TAF4B: variants seen among roughly 807,000 people sequenced by gnomAD.
TAF4B encodes the protein TATA-box binding protein associated factor 4b, also known as transcription initiation factor TFIID subunit 4B.
Under a neutral mutation model 86.4 loss-of-function variants are expected in TAF4B, and 38 were observed. The ratio of observed to expected loss-of-function variants is 0.44; its 90% confidence interval spans 0.34 to 0.58. TAF4B has a LOEUF of 0.58. Ranked by LOEUF, TAF4B falls within the 20% of genes least tolerant of loss-of-function variation. The probability of loss-of-function intolerance (pLI) is 0.02; values close to 1 mark genes in which losing one functional copy is unlikely to be tolerated. For synonymous variants in TAF4B, 388 were observed against 391.2 expected, an observed-to-expected ratio of 0.99 and a Z score of 0.10; for missense variants, 988 against 1,027.6, an observed-to-expected ratio of 0.96 and a Z score of 0.53.
At chr18:26,265,384 A>C (rs1042436425) in intron 2 of TAF4B, 69 bp downstream of exon 2, 5 of 1,452,714 alleles carry the variant, frequency 3.4e-6, no homozygotes, top group Non-Finnish European at 4.6e-6. Context: ...AATGTTGTGT[A>C]TATGTTTGCT....
intron 14 of TAF4B, among the ~76,000 whole-genome samples, chr18:26,375,719 G>A (rs965134239): frequency 2.6e-5 from 4 of 152,074 alleles, no homozygotes; most frequent in Non-Finnish European, 5.9e-5. Context: ...CTAGAAATAA[G>A]TTCAATTTAT....
chr18:26,258,040 G>C (rs2056111186), intron 1 of TAF4B, among the ~76,000 whole-genome samples: 1 of 152,118 alleles, frequency 6.6e-6, no homozygotes, highest in Non-Finnish European at 1.5e-5. Flanking sequence ...CAGATCACGA[G>C]GTCAGGAGAC....
chr18:26,232,082 C>T (rs1029638378), intron 1 of TAF4B, among the ~76,000 whole-genome samples: 2 of 152,144 alleles, frequency 1.3e-5, no homozygotes, highest in African/African-American at 2.4e-5. Flanking sequence ...TTAGAATCTT[C>T]TTGCTAGCTA....
Position 26,261,225 on chromosome 18 carries a change from A to G in TAF4B, c.344-3945A>G, listed in dbSNP as rs769921110. On this transcript the variant is annotated intron_variant, in intron 1 of 14. Coordinates refer to ENST00000269142, the MANE Select transcript of TAF4B (RefSeq NM_005640.3). Reference sequence around the variant, plus strand: ...GAGACGGAGTCTCGCTCTGTCGCCCAGGCTGGAGTGCAGTGGCGGGATCTC... The same window carrying G: ...GAGACGGAGTCTCGCTCTGTCGCCCGGGCTGGAGTGCAGTGGCGGGATCTC... 3.0e-4 allele frequency among the ~76,000 whole-genome samples: 34 copies of G among 112,470 alleles called. 1 individual carries two copies. Among genetic ancestry groups the G allele is most frequent in the Non-Finnish European group, 5.0e-4 (30 of 59,660 alleles). The allele number at this position is 112,470 out of a possible 152,430, so 73.8% of individuals were successfully genotyped here.
Position 26,362,399 on chromosome 18 carries a change from A to G in TAF4B, c.2421+4605A>G, listed in dbSNP as rs1004367049. ...TTTATCAGTAGCATTAATGGCCCAT[A>G]GTGAATTTGCAATGTTAATCATTAA... On this transcript the variant is annotated intron_variant, in intron 14 of 14. Coordinates refer to ENST00000269142, the MANE Select transcript of TAF4B (RefSeq NM_005640.3). Among the ~76,000 whole-genome samples the G allele has an allele frequency of 4.1e-4, 63 of 152,356 alleles. 1 individual carries two copies. Among genetic ancestry groups the G allele is most frequent in the African/African-American group, 1.4e-3 (58 of 41,582 alleles).
rs182987237 is a variant in TAF4B at position 26,358,642 on chromosome 18, G to A, written c.2421+848G>A. 1.5e-3 allele frequency among the ~76,000 whole-genome samples: 225 copies of A among 152,296 alleles called. 2 individuals carry two copies. Among genetic ancestry groups the A allele is most frequent in the African/African-American group, 4.7e-3 (196 of 41,558 alleles). On this transcript the variant is annotated intron_variant, in intron 14 of 14. Transcript: ENST00000269142. ...GGAGAATGGCGTGAACCCGGAAGGC[G>A]GAGGTTACAGTTTGCCAAGATCGCG...
At chr18:26,333,573 T>C (rs78151580) in intron 12 of TAF4B, among the ~76,000 whole-genome samples, 10,499 of 152,152 alleles carry the variant, frequency 0.069, 449 homozygotes, top group Non-Finnish European at 0.092. Flanking sequence ...AAATTTTTAG[T>C]AGAAATGGGG....
chr18:26,381,704 G>A (rs139740099), intron 14 of TAF4B, among the ~76,000 whole-genome samples: 11,258 of 151,268 alleles, frequency 0.074, 1,274 homozygotes, highest in African/African-American at 0.25. Context: ...TCCAGCCTGG[G>A]CAATGAGCGA....
Position 26,293,421 on chromosome 18 carries a change from T to TA in TAF4B, c.1727-4dup. ...ATTCTATTTTTTCTTGTTTTGTTTT[T>TA]ATAGCTTCCATTCTAAAGCAAATTA... On this transcript the variant is annotated splice_region_variant and splice_polypyrimidine_tract_variant and intron_variant, in intron 8 of 14. Coordinates refer to ENST00000269142, the MANE Select transcript of TAF4B (RefSeq NM_005640.3). 1 of 1,584,666 alleles carries TA rather than the reference T, an allele frequency of 6.3e-7. No homozygotes were observed. Among genetic ancestry groups the TA allele is most frequent in the Non-Finnish European group, 8.6e-7 (1 of 1,167,616 alleles).
chr18:26,260,162 C>T (rs1568110727), intron 1 of TAF4B, among the ~76,000 whole-genome samples: 13 of 151,958 alleles, frequency 8.6e-5, no homozygotes, highest in Admixed American at 8.5e-4. Context: ...TTTGAGTTCT[C>T]TGTAGATTCT....
chr18:26,346,887 A>ATATGTGTGTGTG (rs1567914246), intron 13 of TAF4B, among the ~76,000 whole-genome samples: 1 of 12,900 alleles, frequency 7.8e-5, no homozygotes, highest in Non-Finnish European at 2.4e-4. Context: ...GTATATATAT[A>ATATGTGTGTGTG]TATATATATA....
chr18:26,332,865 C>G (rs939937334), intron 12 of TAF4B, among the ~76,000 whole-genome samples: 1 of 152,066 alleles, frequency 6.6e-6, no homozygotes, highest in Non-Finnish European at 1.5e-5. Flanking sequence ...AATTAAAGCC[C>G]CAATTCCTTA....
chr18:26,252,172 T>C (rs1039530966), intron 1 of TAF4B, among the ~76,000 whole-genome samples: 4 of 152,242 alleles, frequency 2.6e-5, no homozygotes, highest in African/African-American at 9.6e-5. Context: ...TTTTACATGT[T>C]GAAAGTAATT....
rs373024568 is a variant in TAF4B, at chr18:26,275,122, A to G, written c.882+69A>G. 138 of 1,419,118 alleles carry G rather than the reference A, an allele frequency of 9.7e-5. 2 individuals are homozygous for G. The Middle Eastern group carries it at 2.1e-3, about 22-fold the overall frequency. 87.9% of individuals were successfully genotyped at this position (1,419,118 alleles called of 1,614,324 possible). On this transcript the variant is annotated intron_variant, in intron 5 of 14. Coordinates refer to ENST00000269142, the MANE Select transcript of TAF4B (RefSeq NM_005640.3). ...ATAACATGTTGTAATTGGGAAATGCATATTTTTAAATGGGATTTATTTAAT... is the reference window on the plus strand; with the variant it reads ...ATAACATGTTGTAATTGGGAAATGCGTATTTTTAAATGGGATTTATTTAAT...
chr18:26,340,255 A>G (rs1312908933), intron 13 of TAF4B, among the ~76,000 whole-genome samples: 1 of 152,228 alleles, frequency 6.6e-6, no homozygotes, highest in Non-Finnish European at 1.5e-5. Flanking sequence ...AGGTACGAGA[A>G]CAGCACAGTA....
rs1195282079 is a variant in TAF4B, at chr18:26,391,341, C to T, written c.*1329C>T. On this transcript the variant is annotated 3_prime_UTR_variant, in exon 15 of 15. Transcript: ENST00000269142. ...GAAGGTATTTCAAAAATGGGAAATG[C>T]TATACTTATAAGAATTGAAGGAAAA... The T allele has an allele frequency of 6.7e-6, 1 of 148,404 alleles. No homozygotes were observed. Among genetic ancestry groups the T allele is most frequent in the Non-Finnish European group, 1.5e-5 (1 of 67,542 alleles). 9.2% of individuals were successfully genotyped at this position (148,404 alleles called of 1,614,324 possible).
At chr18:26,252,146 C>G (rs80026850) in intron 1 of TAF4B, among the ~76,000 whole-genome samples, 1 of 152,116 alleles carries the variant, frequency 6.6e-6, no homozygotes, top group African/African-American at 2.4e-5. Context: ...TTTCAACATA[C>G]GTTTTTCAAC....
chr18:26,227,505 T>C (rs1037033617), intron 1 of TAF4B, among the ~76,000 whole-genome samples: 3 of 152,232 alleles, frequency 2.0e-5, no homozygotes, highest in South Asian at 4.1e-4. Flanking sequence ...ATCAGCGTAT[T>C]CGGGGGGGCT....
chr18:26,291,274 T>C (rs2144609119), intron 7 of TAF4B, among the ~76,000 whole-genome samples: 1 of 152,194 alleles, frequency 6.6e-6, no homozygotes, highest in South Asian at 2.1e-4. Context: ...TTGTCTTGTT[T>C]TTTTGAGACA....
Sources: allele counts gnomAD v4.1 joint callset (sites outside exome capture counted in the v4.1 genomes callset), GRCh38; gene constraint gnomAD v4.1.1; transcripts MANE v1.5; gene names NCBI Gene and HGNC (gene_info 2026-07-23, HGNC 2026-07-21).